AGPAT5: variants seen among roughly 807,000 people sequenced by gnomAD.
AGPAT5 encodes the protein 1-acylglycerol-3-phosphate O-acyltransferase 5, also known as 1-acyl-sn-glycerol-3-phosphate acyltransferase epsilon.
In AGPAT5, 46 loss-of-function variants were observed where a neutral mutation model predicts 45.6. The observed-to-expected ratio is 1.01, with a 90% CI of 0.80 to 1.29. The LOEUF (loss-of-function observed/expected upper bound fraction) is 1.29. Among genes scored for constraint, AGPAT5 ranks in the 50% most tolerant of loss-of-function variants. The pLI is 0.00. For missense variants in AGPAT5, 673 were observed against 450.7 expected (o/e 1.49, Z -4.47); for synonymous variants, 272 against 167.0 (o/e 1.63, Z -4.85).
intron 5 of AGPAT5, among the ~76,000 whole-genome samples, chr8:6,746,939 T>G (rs979608738): frequency 6.6e-6 from 1 of 152,192 alleles, no homozygotes; most frequent in African/African-American, 2.4e-5. Context: ...ATGAATGGGA[T>G]TTGTTCTGGA....
At chr8:6,713,291 C>T (rs138167316) in intron 1 of AGPAT5, among the ~76,000 whole-genome samples, 8 of 152,154 alleles carry the variant, frequency 5.3e-5, no homozygotes, top group East Asian at 1.9e-4. Flanking sequence ...TTCTAATTAC[C>T]GATTTATCTT....
At position 6,741,127 on chromosome 8, in the gene AGPAT5, T is replaced by C. The variant is rs538257975; in HGVS notation, c.496-534T>C. 1.2e-3 allele frequency among the ~76,000 whole-genome samples: 177 copies of C among 152,276 alleles called. 1 individual carries two copies. Among genetic ancestry groups the C allele is most frequent in the African/African-American group, 4.0e-3 (166 of 41,574 alleles). On this transcript the variant is annotated intron_variant, in intron 4 of 7. Transcript: ENST00000285518. Reference sequence around the variant, plus strand: ...CAAATGAGGTTTCTTATAAATAAAATTTAAAATGCACTAAAGGAGCTGTGT... The same window carrying C: ...CAAATGAGGTTTCTTATAAATAAAACTTAAAATGCACTAAAGGAGCTGTGT...
intron 1 of AGPAT5, among the ~76,000 whole-genome samples, chr8:6,723,591 G>A (rs1800581282): frequency 6.6e-6 from 1 of 152,138 alleles, no homozygotes; most frequent in African/African-American, 2.4e-5. Flanking sequence ...TAAGAGAATG[G>A]GGATTTACTC....
At chr8:6,722,115 G>C (rs181551824) in intron 1 of AGPAT5, among the ~76,000 whole-genome samples, 165 of 152,302 alleles carry the variant, frequency 1.1e-3, no homozygotes, top group Non-Finnish European at 1.4e-3. Flanking sequence ...ACTAGGAAAT[G>C]TATAGTAATA....
At chr8:6,756,740 C>T (rs35068711) in intron 7 of AGPAT5, among the ~76,000 whole-genome samples, 22,567 of 152,082 alleles carry the variant, frequency 0.15, 1,897 homozygotes, top group Admixed American at 0.23. Context: ...GGGACCAGCC[C>T]CCTGTCGATA....
At chr8:6,744,332 G>C (rs753176078) in intron 5 of AGPAT5, among the ~76,000 whole-genome samples, 32 of 152,210 alleles carry the variant, frequency 2.1e-4, no homozygotes, top group Non-Finnish European at 4.4e-4. Context: ...GCTCAGCTTT[G>C]TGTGGTAACG....
intron 1 of AGPAT5, among the ~76,000 whole-genome samples, chr8:6,720,956 A>T (rs1305725923): frequency 6.6e-6 from 1 of 152,234 alleles, no homozygotes; most frequent in East Asian, 1.9e-4. Flanking sequence ...CCTAGTCATT[A>T]CAGTTTTGCG....
At chr8:6,754,418 G>A (rs894396581) in intron 6 of AGPAT5, among the ~76,000 whole-genome samples, 1 of 152,288 alleles carries the variant, frequency 6.6e-6, no homozygotes, top group East Asian at 1.9e-4. Context: ...GAAACCAATG[G>A]CCAAGTTAGA....
intron 3 of AGPAT5, among the ~76,000 whole-genome samples, chr8:6,731,293 G>A (rs748337427): frequency 3.3e-5 from 5 of 152,044 alleles, no homozygotes; most frequent in African/African-American, 7.2e-5. Flanking sequence ...ATTTATATAC[G>A]TCTGATTATC....
intron 1 of AGPAT5, among the ~76,000 whole-genome samples, chr8:6,723,240 C>G (rs1800567147): frequency 6.6e-6 from 1 of 152,146 alleles, no homozygotes. Context: ...ACTGATCAGG[C>G]CATTGAGGAG....
chr8:6,735,367 C>T (rs7825917), intron 4 of AGPAT5, among the ~76,000 whole-genome samples: 65,065 of 151,996 alleles, frequency 0.43, 14,231 homozygotes, highest in Non-Finnish European at 0.47. Context: ...GTGTGTTTTC[C>T]TTTTTCTTTG....
intron 2 of AGPAT5, among the ~76,000 whole-genome samples, chr8:6,726,227 C>T (rs1361227006): frequency 1.3e-5 from 2 of 152,218 alleles, no homozygotes; most frequent in Non-Finnish European, 2.9e-5. Context: ...TTCTGCTTTT[C>T]CTGTCCTGCT....
chr8:6,737,054 T>C (rs1801076619), intron 4 of AGPAT5, among the ~76,000 whole-genome samples: 1 of 152,244 alleles, frequency 6.6e-6, no homozygotes, highest in Non-Finnish European at 1.5e-5. Context: ...GTAGGAAGGT[T>C]GATTCAAATA....
intron 1 of AGPAT5, among the ~76,000 whole-genome samples, chr8:6,709,711 C>G (rs985613826): frequency 1.3e-5 from 2 of 151,688 alleles, no homozygotes; most frequent in Non-Finnish European, 2.9e-5. Context: ...ATCATTTTGT[C>G]TTTTTAACTT....
chr8:6,747,571 G>A (rs754508724), intron 5 of AGPAT5, 99 bp from the exon 6 acceptor site: 2 of 1,110,818 alleles, frequency 1.8e-6, no homozygotes, highest in East Asian at 5.0e-5. Context: ...AGATTCTGTT[G>A]TGTGTGTTTG....
At chr8:6,708,957 C>A in intron 1 of AGPAT5, 70 bp downstream of exon 1, 1 of 1,461,970 alleles carries the variant, frequency 6.8e-7, no homozygotes, top group Non-Finnish European at 9.3e-7. Flanking sequence ...TCTCCGCTCC[C>A]CCACAGCTGG....
intron 5 of AGPAT5, among the ~76,000 whole-genome samples, chr8:6,744,968 G>C (rs932338397): frequency 6.6e-6 from 1 of 152,216 alleles, no homozygotes; most frequent in Non-Finnish European, 1.5e-5. Context: ...CATTTCAGCC[G>C]AGCCAAGTCT....
rs114461829 is a variant in AGPAT5, at chr8:6,750,381, T to A, written c.745+2553T>A. Among the ~76,000 whole-genome samples the A allele has an allele frequency of 4.4e-3, 663 of 152,364 alleles. 6 individuals are homozygous for A. Among genetic ancestry groups the A allele is most frequent in the African/African-American group, 0.015 (623 of 41,590 alleles). ...GGCTTTGGGGTGGTCACTGCCTATG[T>A]GTATTCATTACAAATTGTCTCCTTT... On this transcript the variant is annotated intron_variant, in intron 6 of 7. Coordinates refer to ENST00000285518, the MANE Select transcript of AGPAT5 (RefSeq NM_018361.5).
Position 6,729,718 on chromosome 8 carries a change from T to C in AGPAT5, c.290-993T>C, listed in dbSNP as rs1301856356. 2.6e-5 allele frequency among the ~76,000 whole-genome samples: 4 copies of C among 152,370 alleles called. No homozygotes were observed. The East Asian group carries it at 5.8e-4, about 22-fold the overall frequency. Reference sequence around the variant, plus strand: ...TAATTGGCAAGGGCCACTCTCTGTGTTGGAAATTTTTTCTTTTTGAAAGCT... The same window carrying C: ...TAATTGGCAAGGGCCACTCTCTGTGCTGGAAATTTTTTCTTTTTGAAAGCT... On this transcript the variant is annotated intron_variant, in intron 2 of 7. Coordinates refer to ENST00000285518, the MANE Select transcript of AGPAT5 (RefSeq NM_018361.5).
Sources: gnomAD v4.1 joint callset for allele counts (sites outside exome capture counted in the v4.1 genomes callset) on GRCh38, gnomAD v4.1.1 for gene constraint, MANE v1.5 for transcripts, NCBI Gene and HGNC (gene_info 2026-07-23, HGNC 2026-07-21) for gene names.